The following HIVEP1 variants were observed in gnomAD, a reference collection of about 807,000 sequenced individuals.
The protein encoded by HIVEP1 is HIVEP zinc finger 1.
A neutral mutation model predicts 180.0 loss-of-function variants in HIVEP1; 36 were observed. The observed-to-expected ratio is 0.20, with a 90% CI of 0.15 to 0.26. HIVEP1 has a LOEUF of 0.26. Among genes scored for constraint, HIVEP1 ranks in the 10% least tolerant of loss-of-function variants. HIVEP1 has a pLI of 1.00. For synonymous variants in HIVEP1, 1,239 were observed against 1,239.0 expected (o/e 1.00, Z 0.00); for missense variants, 3,143 against 3,268.7 (o/e 0.96, Z 0.94).
At chr6:12,165,701 C>T (rs987650859), downstream of HIVEP1, among the ~76,000 whole-genome samples, 24 of 152,156 alleles carry the variant, frequency 1.6e-4, no homozygotes, top group African/African-American at 5.8e-4. Flanking sequence ...AAATACTTAG[C>T]ACATCATTAA....
chr6:12,065,052 C>T (rs1440407036), intron 2 of HIVEP1, among the ~76,000 whole-genome samples: 1 of 152,038 alleles, frequency 6.6e-6, no homozygotes, highest in Non-Finnish European at 1.5e-5. Flanking sequence ...ATTTAAGGCC[C>T]AAAAAAGACC....
At chr6:12,202,964 T>C in the HIVEP1 span, among the ~76,000 whole-genome samples, 1 of 152,254 alleles carries the variant, frequency 6.6e-6, no homozygotes, top group Non-Finnish European at 1.5e-5. Flanking sequence ...AAACACAGAA[T>C]GTGCATTTGT....
chr6:12,043,487 A>G (rs2113689088), intron 2 of HIVEP1, among the ~76,000 whole-genome samples: 1 of 149,744 alleles, frequency 6.7e-6, no homozygotes, highest in East Asian at 2.0e-4. Flanking sequence ...TCAGCCTCCC[A>G]AATAGCTGGG....
the HIVEP1 span, among the ~76,000 whole-genome samples, chr6:12,198,429 A>G: frequency 4.2e-3 from 643 of 152,366 alleles, 2 homozygotes; most frequent in Middle Eastern, 0.01. Flanking sequence ...CAAAGAGAAC[A>G]TATAAGTAAT....
intron 7 of HIVEP1, among the ~76,000 whole-genome samples, chr6:12,157,737 G>A (rs868050405): frequency 1.6e-5 from 1 of 63,786 alleles, no homozygotes; most frequent in African/African-American, 6.4e-5. Context: ...GTGTAGATCC[G>A]GGCCTCCATC....
At chr6:12,114,635 C>T (rs1164744733) in intron 3 of HIVEP1, among the ~76,000 whole-genome samples, 1 of 152,198 alleles carries the variant, frequency 6.6e-6, no homozygotes, top group Non-Finnish European at 1.5e-5. Flanking sequence ...TGTGCACGTA[C>T]ACTTAATGTA....
chr6:12,083,720 T>C (rs1485283489), intron 2 of HIVEP1, among the ~76,000 whole-genome samples: 2 of 152,148 alleles, frequency 1.3e-5, no homozygotes, highest in Non-Finnish European at 2.9e-5. Context: ...CTATGTAATA[T>C]TGAGGGTTTT....
rs1439450896 is a variant in HIVEP1 at position 12,161,649 on chromosome 6, G to C, written c.6698G>C (p.Arg2233Thr). 1.9e-6 allele frequency: 3 copies of C among 1,614,116 alleles called. No homozygotes were observed. Among genetic ancestry groups the C allele is most frequent in the Admixed American group, 1.7e-5 (1 of 60,032 alleles). Residue 2233 changes from arginine (R) to threonine (T), a missense_variant, in exon 8 of 9, where the codon AGG (arginine) becomes ACG (threonine). By Grantham distance (71) the Arg-to-Thr change is moderately conservative. Around this residue, in one of 12 missense-constraint regions of HIVEP1, gnomAD observed 595 missense variants for 602.2 expected, o/e 0.99. Coordinates refer to ENST00000379388, the MANE Select transcript of HIVEP1 (RefSeq NM_002114.4). Reference sequence around the variant, plus strand: ...CCTGTGAGTACTGACGAGGATGTCAGGATCACCGATTGCTTTTCTGGGGTA... The same window carrying C: ...CCTGTGAGTACTGACGAGGATGTCACGATCACCGATTGCTTTTCTGGGGTA... ...QDPVSTDEDV[R>T]ITDCFSGVHT...
chr6:12,115,377 T>TTTA (rs398000485), intron 3 of HIVEP1, among the ~76,000 whole-genome samples: 4 of 125,648 alleles, frequency 3.2e-5, no homozygotes, highest in African/African-American at 5.8e-5. Flanking sequence ...TTTTTTTTTT[T>TTTA]AACAAAGTGG....
At chr6:12,034,543 C>T (rs1245615488) in intron 2 of HIVEP1, among the ~76,000 whole-genome samples, 1 of 152,102 alleles carries the variant, frequency 6.6e-6, no homozygotes, top group African/African-American at 2.4e-5. Flanking sequence ...AAGACAAGCC[C>T]AAAACTGTAA....
intron 2 of HIVEP1, among the ~76,000 whole-genome samples, chr6:12,018,818 A>G (rs928521871): frequency 6.6e-6 from 1 of 152,210 alleles, no homozygotes. Flanking sequence ...GAGCATAAGA[A>G]GTTCTCTTCA....
rs78389741 is a variant in HIVEP1 at position 12,111,361 on chromosome 6, G to T, written c.95-8529G>T. Among the ~76,000 whole-genome samples the T allele has an allele frequency of 2.2e-4, 33 of 152,306 alleles. No individual in the cohort carries two copies. The East Asian group carries it at 6.0e-3, about 28-fold the overall frequency. On this transcript the variant is annotated intron_variant, in intron 3 of 8. Transcript: ENST00000379388. ...ACCTGTATTCATTTTCTTTTGCTGCGTAACAAATTCCTACAAACTTAGCAG... is the reference window on the plus strand; with the variant it reads ...ACCTGTATTCATTTTCTTTTGCTGCTTAACAAATTCCTACAAACTTAGCAG...
rs1169612385 is a variant in HIVEP1, at chr6:12,121,273, G to C, written c.1478G>C (p.Gly493Ala). Residue 493 changes from glycine to alanine, a missense_variant, in exon 4 of 9, where the codon GGG becomes GCG. Gly to Ala is a moderately conservative substitution (Grantham distance 60). Coordinates refer to ENST00000379388, the MANE Select transcript of HIVEP1 (RefSeq NM_002114.4). This position sits in a 1 kb window ranked among gnomAD's most constrained non-coding sequence, Gnocchi z 5.3. ...LSIHSDVEDS[G>A]ESEEEGATDE... Reference sequence around the variant, plus strand: ...ATTCATTCAGACGTAGAAGACAGTGGGGAGAGCGAGGAGGAAGGCGCCACT... The same window carrying C: ...ATTCATTCAGACGTAGAAGACAGTGCGGAGAGCGAGGAGGAAGGCGCCACT... 1 of 1,614,050 alleles carries C rather than the reference G, an allele frequency of 6.2e-7. No individual in the cohort carries two copies. The highest frequency in any genetic ancestry group is 1.3e-5 in the African/African-American group (1 of 74,910).
chr6:12,043,232 T>C (rs1361077400), intron 2 of HIVEP1, among the ~76,000 whole-genome samples: 2 of 152,200 alleles, frequency 1.3e-5, no homozygotes, highest in Non-Finnish European at 2.9e-5. Context: ...CTCAAGTCTC[T>C]GTTTTTACCT....
At chr6:12,101,515 ATTAAG>A (rs1774112498) in intron 3 of HIVEP1, among the ~76,000 whole-genome samples, 2 of 152,128 alleles carry the variant, frequency 1.3e-5, no homozygotes, top group African/African-American at 4.8e-5. Context: ...CCTCACTGGA[ATTAAG>A]TTAATATAAA....
At chr6:12,145,685 C>T (rs1401054190) in intron 7 of HIVEP1, among the ~76,000 whole-genome samples, 1 of 152,090 alleles carries the variant, frequency 6.6e-6, no homozygotes, top group African/African-American at 2.4e-5. Context: ...TTACTGCTAG[C>T]ATCACTTACG....
At chr6:12,094,859 C>G (rs747279359) in intron 3 of HIVEP1, among the ~76,000 whole-genome samples, 3 of 152,044 alleles carry the variant, frequency 2.0e-5, no homozygotes, top group Non-Finnish European at 2.9e-5. Flanking sequence ...GATATTGGAA[C>G]TGTACCTTTG....
intron 2 of HIVEP1, among the ~76,000 whole-genome samples, chr6:12,069,897 A>G (rs546208212): frequency 2.0e-5 from 3 of 152,068 alleles, no homozygotes; most frequent in East Asian, 1.9e-4. Flanking sequence ...TTCTTATTCT[A>G]TAAGTTTTTT....
chr6:12,144,916 TTGG>T (rs1401629930), intron 7 of HIVEP1, among the ~76,000 whole-genome samples: 12 of 152,204 alleles, frequency 7.9e-5, no homozygotes, highest in South Asian at 2.1e-4. Context: ...TTTTACACTA[TTGG>T]TGGGAGTGTA....
Sources: gnomAD v4.1 joint callset for allele counts (sites outside exome capture counted in the v4.1 genomes callset) on GRCh38, gnomAD v4.1.1 for gene constraint, gnomAD v4.1.1 regional missense constraint, Gnocchi (gnomAD v3.1) non-coding constraint, MANE v1.5 for transcripts, NCBI Gene and HGNC (gene_info 2026-07-23, HGNC 2026-07-21) for gene names.